Variants in GKAP1 observed in about 807,000 individuals in gnomAD.
The protein encoded by GKAP1 is G kinase-anchoring protein 1.
A neutral mutation model predicts 56.7 loss-of-function variants in GKAP1; 31 were observed. The ratio of observed to expected loss-of-function variants is 0.55; its 90% CI spans 0.41 to 0.74. The LOEUF (loss-of-function observed/expected upper bound fraction) is 0.74. GKAP1 is among the 30% of genes least tolerant of loss of function. The pLI is 0.00. For synonymous variants in GKAP1, 151 were observed against 138.6 expected, an observed-to-expected ratio of 1.09 and a Z score of -0.63; for missense variants, 364 against 402.3, an observed-to-expected ratio of 0.90 and a Z score of 0.82.
At position 83,744,248 on chromosome 9, in the gene GKAP1, AC is replaced by A. The variant is rs535566661; in HGVS notation, c.905-1649del. Among the ~76,000 whole-genome samples the A allele has an allele frequency of 3.5e-3, 535 of 152,336 alleles. 1 individual carries two copies. The highest frequency in any genetic ancestry group is 0.01 in the African/African-American group (417 of 41,584). ...TTCTCCTATAATGCTTGTTTTGAAAACACAAATTTGTTTCAATGAGGTTGAT... is the reference window on the plus strand; with the variant it reads ...TTCTCCTATAATGCTTGTTTTGAAAAACAAATTTGTTTCAATGAGGTTGAT... On this transcript the variant is annotated intron_variant, in intron 10 of 12. Coordinates refer to ENST00000376371, the MANE Select transcript of GKAP1 (RefSeq NM_025211.4).
chr9:83,757,879 T>G (rs2131250561), intron 8 of GKAP1, among the ~76,000 whole-genome samples: 1 of 149,148 alleles, frequency 6.7e-6, no homozygotes, highest in Non-Finnish European at 1.5e-5. Context: ...GATATCTAGA[T>G]AAAATGAGGA....
intron 6 of GKAP1, among the ~76,000 whole-genome samples, chr9:83,781,634 C>T (rs1030608214): frequency 3.3e-5 from 5 of 152,098 alleles, no homozygotes; most frequent in Admixed American, 6.5e-5. Context: ...TCTTCTAGCA[C>T]GCTCTATTTA....
At chr9:83,744,067 A>G (rs1287316230) in intron 10 of GKAP1, among the ~76,000 whole-genome samples, 1 of 152,224 alleles carries the variant, frequency 6.6e-6, no homozygotes, top group African/African-American at 2.4e-5. Context: ...TAATATGATA[A>G]GATGAAACAC....
intron 5 of GKAP1, among the ~76,000 whole-genome samples, chr9:83,787,700 C>T (rs1025807879): frequency 2.6e-5 from 4 of 152,172 alleles, no homozygotes; most frequent in South Asian, 2.1e-4. Flanking sequence ...ATGATATTAA[C>T]GTAATGAATA....
intron 12 of GKAP1, 139 bp from the exon 13 acceptor site, chr9:83,739,883 G>A (rs1282540783): frequency 1.6e-6 from 1 of 627,902 alleles, no homozygotes; most frequent in Non-Finnish European, 2.7e-6. Flanking sequence ...GTAAATTTGA[G>A]TCTACATACT....
intron 2 of GKAP1, among the ~76,000 whole-genome samples, chr9:83,809,279 T>C (rs971476804): frequency 6.6e-6 from 1 of 152,194 alleles, no homozygotes; most frequent in Non-Finnish European, 1.5e-5. Flanking sequence ...AAGTTTCCCT[T>C]AGGCCTTGGG....
chr9:83,792,077 C>A (rs2131303157), intron 4 of GKAP1, among the ~76,000 whole-genome samples: 1 of 152,306 alleles, frequency 6.6e-6, no homozygotes, highest in East Asian at 1.9e-4. Flanking sequence ...AATTCCTATT[C>A]CACCCATGCT....
intron 6 of GKAP1, among the ~76,000 whole-genome samples, chr9:83,781,603 C>A (rs1943972888): frequency 6.6e-6 from 1 of 152,138 alleles, no homozygotes; most frequent in African/African-American, 2.4e-5. Context: ...ACTACCAAAT[C>A]TTGGTAAATT....
intron 10 of GKAP1, 44 bp from the exon 11 acceptor site, chr9:83,742,644 CA>C (rs765566121): frequency 8.2e-7 from 1 of 1,221,770 alleles, no homozygotes; most frequent in South Asian, 1.2e-5. Context: ...TCCAGTCACC[CA>C]AATACTTCAA....
At chr9:83,750,391 T>C (rs564983436) in intron 9 of GKAP1, among the ~76,000 whole-genome samples, 12 of 152,288 alleles carry the variant, frequency 7.9e-5, no homozygotes, top group South Asian at 2.1e-4. Flanking sequence ...AAACGCAACA[T>C]ATCCAAAATG....
intron 7 of GKAP1, among the ~76,000 whole-genome samples, chr9:83,775,011 CTT>C (rs76738284): frequency 2.8e-5 from 4 of 145,274 alleles, no homozygotes; most frequent in Non-Finnish European, 3.0e-5. Context: ...CCGGCCCCTT[CTT>C]TTTTTTTTTT....
chr9:83,763,246 A>T (rs1943604540), intron 8 of GKAP1, among the ~76,000 whole-genome samples: 1 of 152,170 alleles, frequency 6.6e-6, no homozygotes, highest in Non-Finnish European at 1.5e-5. Flanking sequence ...CAACTGAACT[A>T]ATGGAGTTAC....
chr9:83,774,115 C>T (rs1217712490), intron 7 of GKAP1, among the ~76,000 whole-genome samples: 2 of 151,992 alleles, frequency 1.3e-5, no homozygotes, highest in African/African-American at 4.8e-5. Flanking sequence ...AAGTGATCCA[C>T]CCGCCTCGGC....
chr9:83,786,330 G>A (rs920456002), intron 5 of GKAP1, among the ~76,000 whole-genome samples: 8 of 151,998 alleles, frequency 5.3e-5, no homozygotes, highest in African/African-American at 1.9e-4. Context: ...ATCACCTCAG[G>A]TCGGGAGTTC....
intron 3 of GKAP1, among the ~76,000 whole-genome samples, chr9:83,802,901 G>A (rs956285707): frequency 3.3e-5 from 5 of 151,940 alleles, no homozygotes; most frequent in African/African-American, 1.2e-4. Context: ...GGAGGCCAAG[G>A]TGGGGTGGAT....
intron 2 of GKAP1, among the ~76,000 whole-genome samples, chr9:83,809,341 G>A (rs1279319531): frequency 6.6e-6 from 1 of 152,220 alleles, no homozygotes; most frequent in Admixed American, 6.5e-5. Flanking sequence ...GTCACTTCCA[G>A]ATACAAGAAA....
intron 7 of GKAP1, among the ~76,000 whole-genome samples, chr9:83,778,313 A>C (rs1943896232): frequency 1.3e-5 from 2 of 152,212 alleles, no homozygotes; most frequent in African/African-American, 4.8e-5. Flanking sequence ...CATCAATGGT[A>C]GACTGGATAA....
intron 4 of GKAP1, among the ~76,000 whole-genome samples, chr9:83,791,810 GA>G (rs1480734338): frequency 1.3e-5 from 2 of 152,048 alleles, no homozygotes; most frequent in African/African-American, 4.8e-5. Context: ...TTGAGAAAAA[GA>G]AGATCAACAA....
intron 4 of GKAP1, among the ~76,000 whole-genome samples, chr9:83,791,751 G>A (rs984005350): frequency 1.3e-5 from 2 of 152,102 alleles, no homozygotes; most frequent in Non-Finnish European, 2.9e-5. Flanking sequence ...TAAGATTAAC[G>A]TGTATGAACT....
Sources: gnomAD v4.1 joint callset for allele counts (sites outside exome capture counted in the v4.1 genomes callset) on GRCh38, gnomAD v4.1.1 for gene constraint, MANE v1.5 for transcripts, NCBI Gene and HGNC (gene_info 2026-07-23, HGNC 2026-07-21) for gene names.